The following SLC4A1AP variants were observed in gnomAD, a reference collection of about 807,000 sequenced individuals.
The protein encoded by SLC4A1AP is solute carrier family 4 member 1 adaptor protein.
In SLC4A1AP, 64 loss-of-function variants were observed where a neutral mutation model predicts 89.7. The observed-to-expected ratio is 0.71, with a 90% CI of 0.58 to 0.88. The LOEUF (loss-of-function observed/expected upper bound fraction) is 0.88. Among genes scored for constraint, SLC4A1AP ranks in the 40% least tolerant of loss-of-function variants. SLC4A1AP has a pLI of 0.00. For missense variants in SLC4A1AP, 931 were observed against 965.0 expected (o/e 0.96, Z 0.47); for synonymous variants, 366 against 353.3 (o/e 1.04, Z -0.40).
At chr2:27,680,790 A>G (rs1431469834) in intron 8 of SLC4A1AP, among the ~76,000 whole-genome samples, 1 of 35,378 alleles carries the variant, frequency 2.8e-5, no homozygotes, top group African/African-American at 1.1e-4. Context: ...TTTGGAAAAC[A>G]ACAACAACAA....
intron 5 of SLC4A1AP, among the ~76,000 whole-genome samples, chr2:27,674,825 C>G (rs867341099): frequency 6.6e-6 from 1 of 151,510 alleles, no homozygotes; most frequent in Admixed American, 6.6e-5. Flanking sequence ...AATTCTCCTG[C>G]CTTAGCCTCC....
chr2:27,678,216 G>A (rs1037270485), intron 8 of SLC4A1AP, among the ~76,000 whole-genome samples: 1 of 152,048 alleles, frequency 6.6e-6, no homozygotes, highest in Non-Finnish European at 1.5e-5. Context: ...CCTTTAAAAA[G>A]CATCATGCAC....
intron 13 of SLC4A1AP, 21 bp downstream of exon 13, chr2:27,693,775 T>C: frequency 6.3e-7 from 1 of 1,585,504 alleles, no homozygotes; most frequent in Non-Finnish European, 8.6e-7. Context: ...TTTACTTTTT[T>C]TTCCTCTAAG....
At chr2:27,670,922 CTTTTTTTTTTTTT>C (rs34481114) in intron 5 of SLC4A1AP, among the ~76,000 whole-genome samples, 1 of 111,850 alleles carries the variant, frequency 8.9e-6, no homozygotes. Flanking sequence ...CTTTTCTTTT[CTTTTTTTTTTTTT>C]TTTTTTGAGA....
intron 5 of SLC4A1AP, among the ~76,000 whole-genome samples, chr2:27,670,397 AT>A (rs1447906595): frequency 2.0e-5 from 3 of 151,960 alleles, no homozygotes; most frequent in African/African-American, 7.2e-5. Context: ...TCATTTATTA[AT>A]AAGGCTTATA....
At chr2:27,683,993 C>T (rs1675662920) in intron 9 of SLC4A1AP, among the ~76,000 whole-genome samples, 1 of 152,232 alleles carries the variant, frequency 6.6e-6, no homozygotes, top group South Asian at 2.1e-4. Flanking sequence ...GCCTCGGCCT[C>T]ACTATGTATT....
chr2:27,688,116 A>G (rs1675733839), intron 11 of SLC4A1AP, 96 bp downstream of exon 11: 5 of 939,754 alleles, frequency 5.3e-6, no homozygotes, highest in Non-Finnish European at 6.7e-6. Flanking sequence ...GGCAGCACAG[A>G]GAATGGTCCT....
chr2:27,688,619 A>G, intron 11 of SLC4A1AP, 81 bp from the exon 12 acceptor site: 2 of 859,460 alleles, frequency 2.3e-6, no homozygotes, highest in Non-Finnish European at 3.8e-6. Flanking sequence ...AATAATTGTA[A>G]TGTTCTTTTA....
intron 12 of SLC4A1AP, chr2:27,692,927 G>GATTTATTTATTTATTTATTT (rs369910215): frequency 1.7e-4 from 26 of 151,354 alleles, no homozygotes; most frequent in African/African-American, 5.9e-4. Flanking sequence ...TTTGGTTTGC[G>GATTTATTTATTTATTTATTT]ATTTATTTAT....
chr2:27,682,883 A>G (rs1300470550), intron 9 of SLC4A1AP, among the ~76,000 whole-genome samples: 1 of 152,192 alleles, frequency 6.6e-6, no homozygotes, highest in Non-Finnish European at 1.5e-5. Context: ...ATTTATGCCA[A>G]TCAATTTGCA....
At chr2:27,677,025 G>C (rs1675535101) in intron 6 of SLC4A1AP, among the ~76,000 whole-genome samples, 1 of 152,010 alleles carries the variant, frequency 6.6e-6, no homozygotes. Context: ...TGTAGTCCCA[G>C]CTACTTGGGA....
At chr2:27,668,894 G>A in exon 4 of SLC4A1AP, 2 of 1,613,954 alleles carry the variant, frequency 1.2e-6, no homozygotes, top group East Asian at 4.5e-5. Context: ...ACTTGGCTCT[G>A]CAGGGTGAGG....
chr2:27,686,361 C>G (rs1356207391), intron 10 of SLC4A1AP, among the ~76,000 whole-genome samples: 1 of 152,154 alleles, frequency 6.6e-6, no homozygotes, highest in African/African-American at 2.4e-5. Flanking sequence ...ATAAACAGGT[C>G]AGCAGGAGGG....
At chr2:27,671,401 C>T (rs1269713270) in intron 5 of SLC4A1AP, among the ~76,000 whole-genome samples, 2 of 152,086 alleles carry the variant, frequency 1.3e-5, no homozygotes, top group South Asian at 2.1e-4. Flanking sequence ...GTAATAATTG[C>T]GTTTGCTTTT....
intron 12 of SLC4A1AP, 95 bp from the exon 13 acceptor site, chr2:27,693,590 A>T: frequency 1.1e-6 from 1 of 883,356 alleles, no homozygotes; most frequent in Non-Finnish European, 1.8e-6. Flanking sequence ...TATTCTGCTT[A>T]AGGAGGCTAA....
At chr2:27,675,197 A>G (rs1308007847) in intron 5 of SLC4A1AP, among the ~76,000 whole-genome samples, 1 of 152,156 alleles carries the variant, frequency 6.6e-6, no homozygotes, top group Non-Finnish European at 1.5e-5. Context: ...GAACTTTTTT[A>G]TCATTCCATA....
exon 1 of SLC4A1AP, chr2:27,664,100 C>G: frequency 6.2e-7 from 1 of 1,614,154 alleles, no homozygotes; most frequent in East Asian, 2.2e-5. Context: ...CTGGGGAGCC[C>G]GACATCCCTC....
intron 6 of SLC4A1AP, among the ~76,000 whole-genome samples, chr2:27,676,689 G>A (rs1011179794): frequency 6.6e-6 from 1 of 151,830 alleles, no homozygotes; most frequent in African/African-American, 2.4e-5. Flanking sequence ...AATTAGACAG[G>A]CGTGGTGGTG....
At chr2:27,686,277 G>T (rs994876944) in intron 10 of SLC4A1AP, among the ~76,000 whole-genome samples, 1 of 152,172 alleles carries the variant, frequency 6.6e-6, no homozygotes, top group South Asian at 2.1e-4. Context: ...TAAGTATTCT[G>T]TATCTGCATT....
Sources: gnomAD v4.1 joint callset for allele counts (sites outside exome capture counted in the v4.1 genomes callset) on GRCh38, gnomAD v4.1.1 for gene constraint, MANE v1.5 for transcripts, NCBI Gene and HGNC (gene_info 2026-07-23, HGNC 2026-07-21) for gene names.